The following SAMD11 variants were observed in gnomAD, a reference collection of about 807,000 sequenced individuals.
The protein encoded by SAMD11 is sterile alpha motif domain containing 11, also known as sterile alpha motif domain-containing protein 11.
In SAMD11, 77 loss-of-function variants were observed where a neutral mutation model predicts 64.4. The ratio of observed to expected loss-of-function variants is 1.20; its 90% CI spans 0.99 to 1.44. The LOEUF (loss-of-function observed/expected upper bound fraction) is 1.44. SAMD11 is among the 40% of genes most tolerant of loss of function. The probability of loss-of-function intolerance (pLI) is 0.00; values close to 1 mark genes in which losing one functional copy is unlikely to be tolerated. For missense variants in SAMD11, 1,402 were observed against 943.3 expected (o/e 1.49, Z -6.37); for synonymous variants, 658 against 421.9 (o/e 1.56, Z -6.86).
chr1:944,129 C>T lies in SAMD11; in HGVS notation c.2511C>T (p.Pro837=), dbSNP rs754435823. 5.7e-6 allele frequency: 9 copies of T among 1,589,112 alleles called. No individual in the cohort carries two copies. Among genetic ancestry groups the T allele is most frequent in the East Asian group, 2.2e-5 (1 of 44,560 alleles). Residue 837 remains proline, a synonymous_variant, in exon 14 of 14, where the codon CCC becomes CCT. Transcript: ENST00000616016. ...NGTLALLPGA[P]DPSQPLC ...CCTTGGCTCTACTTCCAGGGGCCCC[C>T]GACCCTTCCCAGCCTCTGTGTTGAG...
At chr1:939,578 C>T (rs1009310241) in intron 7 of SAMD11, 166 bp downstream of exon 7, 71 of 356,780 alleles carry the variant, frequency 2.0e-4, no homozygotes, top group Non-Finnish European at 2.8e-4. Flanking sequence ...GGTCCCTCTG[C>T]CACACGTCCT....
intron 2 of SAMD11, among the ~76,000 whole-genome samples, chr1:927,244 T>C (rs1640938392): frequency 6.6e-6 from 1 of 152,142 alleles, no homozygotes; most frequent in Admixed American, 6.5e-5. Flanking sequence ...CCCAGTTCCC[T>C]CCTTTCAAGC....
chr1:935,106 G>C (rs1315122598), intron 4 of SAMD11, among the ~76,000 whole-genome samples: 15 of 152,156 alleles, frequency 9.9e-5, no homozygotes, highest in Non-Finnish European at 1.5e-5. Context: ...GGACTCTGTG[G>C]ATGTGGGATT....
At chr1:930,891 C>G in intron 3 of SAMD11, 148 bp from the exon 4 acceptor site, 2 of 747,834 alleles carry the variant, frequency 2.7e-6, no homozygotes, top group East Asian at 2.6e-5. Context: ...GCAGGTGGTG[C>G]TGGGCATGGC....
intron 4 of SAMD11, among the ~76,000 whole-genome samples, chr1:935,130 A>G (rs903175327): frequency 6.6e-6 from 1 of 152,074 alleles, no homozygotes; most frequent in Admixed American, 6.5e-5. Flanking sequence ...CTGAATTAGC[A>G]AGAAGAGGAG....
At chr1:941,925 G>A (rs1475395979) in intron 8 of SAMD11, among the ~76,000 whole-genome samples, 2 of 152,044 alleles carry the variant, frequency 1.3e-5, no homozygotes, top group Non-Finnish European at 2.9e-5. Context: ...TGCAGCCGTC[G>A]CCGCCCGCCG....
intron 8 of SAMD11, 21 bp downstream of exon 8, chr1:941,327 C>A (rs763681965): frequency 3.3e-6 from 5 of 1,530,340 alleles, no homozygotes; most frequent in Middle Eastern, 4.0e-4. Context: ...GGCTGCCGTT[C>A]TCTGCTTGTT....
chr1:943,723 G>A lies in SAMD11; in HGVS notation c.2204G>A (p.Gly735Glu). The change falls in exon 13 of 14, where the codon GGG becomes GAG. Residue 735 changes from glycine to glutamate, a missense_variant. Transcript: ENST00000616016. ...TRVFREQGID[G>E]ETLPLLTEEH... ...GTCTTCAGGGAGCAGGGGATCGACG[G>A]GGAGACCCTGCCACTGCTGACGGAG... The A allele has an allele frequency of 6.3e-7, 1 of 1,598,012 alleles. No individual in the cohort carries two copies. The highest frequency in any genetic ancestry group is 2.2e-5 in the East Asian group (1 of 44,530).
Position 939,366 on chromosome 1 carries a change from C to G in SAMD11, c.1149C>G (p.Thr383=), listed in dbSNP as rs780082502. ...RLVSALSEAS[T]FEDPQRLYHL... is the part of the protein sequence containing the mutation. ...TGTCAGCACTGAGCGAGGCCAGCAC[C>G]TTTGAGGACCCTCAGCGCCTCTACC... Residue 383 remains threonine, a synonymous_variant, in exon 7 of 14, where the codon ACC becomes ACG. Transcript: ENST00000616016. 6.2e-7 allele frequency: 1 copy of G among 1,609,030 alleles called. No homozygotes were observed. Among genetic ancestry groups the G allele is most frequent in the South Asian group, 1.1e-5 (1 of 90,992 alleles).
chr1:943,475 C>CAGAG, intron 12 of SAMD11, 98 bp downstream of exon 12: 1 of 1,134,148 alleles, frequency 8.8e-7, no homozygotes, highest in Non-Finnish European at 1.2e-6. Flanking sequence ...CCCCAACGCC[C>CAGAG]TCTCCCTCCC....
chr1:930,079 C>T (rs528183552), intron 2 of SAMD11, 76 bp from the exon 3 acceptor site: 2 of 1,478,028 alleles, frequency 1.4e-6, no homozygotes, highest in East Asian at 2.5e-5. Flanking sequence ...ACGGCCCGGT[C>T]CAGCCCCACC....
chr1:939,407 G>T lies in SAMD11; in HGVS notation c.1190G>T (p.Ser397Ile). The T allele has an allele frequency of 6.9e-7, 1 of 1,442,124 alleles. No individual in the cohort carries two copies. Among genetic ancestry groups the T allele is most frequent in the African/African-American group, 1.4e-5 (1 of 72,686 alleles). 89.3% of individuals were successfully genotyped at this position (1,442,124 alleles called of 1,614,324 possible). A position where few individuals can be genotyped will look rare whatever the true frequency, so the allele number is the denominator to read the frequency against. ...PQRLYHLGLP[S>I]HDLLRVRQEV... ...CGCCTCTACCACCTGGGCCTCCCCA[G>T]CCACGGTGAGGACCCACCCTGGCAT... Residue 397 changes from serine to isoleucine, a missense_variant, in exon 7 of 14, where the codon AGC (serine) becomes ATC (isoleucine). Ser to Ile is a moderately radical substitution (Grantham distance 142, BLOSUM62 -2). Transcript: ENST00000616016.
chr1:925,242 G>A (rs1472679473), intron 1 of SAMD11: 1 of 152,296 alleles, frequency 6.6e-6, no homozygotes, highest in Non-Finnish European at 1.5e-5. Flanking sequence ...ACGGGGACTC[G>A]AGAGAGCGGG....
chr1:942,233 G>T lies in SAMD11; in HGVS notation c.1456G>T (p.Ala486Ser). 7.4e-7 allele frequency: 1 copy of T among 1,342,836 alleles called. No individual in the cohort carries two copies. The highest frequency in any genetic ancestry group is 9.7e-7 in the Non-Finnish European group (1 of 1,036,124). 83.2% of individuals were successfully genotyped at this position (1,342,836 alleles called of 1,614,324 possible). Residue 486 changes from alanine (A) to serine (S), a missense_variant, in exon 9 of 14, where the codon GCT (alanine) becomes TCT (serine). By Grantham distance (99) the Ala-to-Ser change is moderately conservative (BLOSUM62 1). Transcript: ENST00000616016. ...GCCCCCCTTCCTGGGGGTGCCCTCG[G>T]CTCTGTGCCAGACCCCAGGTGAGGA... ...LRPPFLGVPS[A>S]LCQTPGYGFL... is the part of the protein sequence containing the mutation.
intron 8 of SAMD11, among the ~76,000 whole-genome samples, chr1:941,711 T>C (rs905429506): frequency 1.3e-4 from 19 of 151,918 alleles, no homozygotes; most frequent in African/African-American, 4.6e-4. Context: ...GTTTCTCGGG[T>C]CCAGGACACG....
chr1:930,088 C>G (rs1408909076), intron 2 of SAMD11, 67 bp from the exon 3 acceptor site: 1 of 1,493,552 alleles, frequency 6.7e-7, no homozygotes, highest in Non-Finnish European at 9.0e-7. Context: ...TCCAGCCCCA[C>G]CTTCCTCTCC....
chr1:936,922 G>A (rs1641486015), intron 5 of SAMD11, among the ~76,000 whole-genome samples: 1 of 152,182 alleles, frequency 6.6e-6, no homozygotes, highest in Admixed American at 6.5e-5. Context: ...TTCACACAGG[G>A]AGACCTCCTC....
At chr1:929,513 C>T (rs1316831140) in intron 2 of SAMD11, among the ~76,000 whole-genome samples, 2 of 152,138 alleles carry the variant, frequency 1.3e-5, no homozygotes, top group African/African-American at 2.4e-5. Flanking sequence ...CTGTGCGTGG[C>T]GCTGATGAAA....
chr1:927,895 GC>G (rs1640969295), intron 2 of SAMD11, among the ~76,000 whole-genome samples: 1 of 152,258 alleles, frequency 6.6e-6, no homozygotes, highest in South Asian at 2.1e-4. Context: ...CCCTCCAGGT[GC>G]CTTGGGGCGT....
Sources: gnomAD v4.1 joint callset for allele counts (sites outside exome capture counted in the v4.1 genomes callset) on GRCh38, gnomAD v4.1.1 for gene constraint, MANE v1.5 for transcripts, NCBI Gene and HGNC (gene_info 2026-07-23, HGNC 2026-07-21) for gene names.